SPON1: variants seen among roughly 807,000 people sequenced by gnomAD.
SPON1 encodes the protein spondin 1, also known as spondin-1.
Under a neutral mutation model 111.7 loss-of-function variants are expected in SPON1, and 52 were observed. The observed-to-expected ratio is 0.47, with a 90% CI of 0.37 to 0.59. The LOEUF (loss-of-function observed/expected upper bound fraction) is 0.59. Ranked by LOEUF, SPON1 falls within the 20% of genes least tolerant of loss-of-function variation. The pLI, the probability that SPON1 is intolerant of heterozygous loss-of-function variation, is 0.00. For synonymous variants in SPON1, 410 were observed against 395.8 expected, an observed-to-expected ratio of 1.04 and a Z score of -0.43; for missense variants, 957 against 1,068.5, an observed-to-expected ratio of 0.90 and a Z score of 1.46.
intron 5 of SPON1, among the ~76,000 whole-genome samples, chr11:14,129,789 G>A (rs374931759): frequency 5.9e-5 from 9 of 152,298 alleles, no homozygotes; most frequent in African/African-American, 2.2e-4. Flanking sequence ...TTGACTAACA[G>A]TTCGACATGG....
At chr11:14,168,345 C>T (rs1471412994) in intron 6 of SPON1, among the ~76,000 whole-genome samples, 1 of 152,104 alleles carries the variant, frequency 6.6e-6, no homozygotes, top group East Asian at 1.9e-4. Flanking sequence ...ACTAAAGTCA[C>T]GTGAACAAAA....
intron 1 of SPON1, among the ~76,000 whole-genome samples, chr11:13,980,743 G>C (rs531490949): frequency 6.6e-6 from 1 of 152,246 alleles, no homozygotes; most frequent in South Asian, 2.1e-4. Context: ...ATTTTTTAAA[G>C]TTTAAAAACT....
At position 14,075,349 on chromosome 11, in the gene SPON1, A is replaced by G. The variant is rs1848908880; in HGVS notation, c.484A>G (p.Ser162Gly). 6.4e-7 allele frequency: 1 copy of G among 1,557,634 alleles called. No individual in the cohort carries two copies. Among genetic ancestry groups the G allele is most frequent in the Non-Finnish European group, 8.7e-7 (1 of 1,149,634 alleles). The part of the protein sequence containing the change: ...AGTGCVILKA[S>G]IVQKRIIYFQ... ...TTGGGTCTTCTTTCTTCACAGGGCC[A>G]GCATCGTACAAAAACGCATTATTTA... The change falls in exon 4 of 16, where the codon AGC (serine) becomes GGC (glycine). Residue 162 changes from serine to glycine, a missense_variant. Physicochemically the swap from Ser to Gly is moderately conservative, Grantham distance 56. Transcript: ENST00000576479.
chr11:14,011,737 T>G (rs1388572955), intron 2 of SPON1, among the ~76,000 whole-genome samples: 1 of 151,842 alleles, frequency 6.6e-6, no homozygotes, highest in African/African-American at 2.4e-5. Context: ...TCAGTGAGGA[T>G]CTGATGGACA....
At position 14,259,600 on chromosome 11, in the gene SPON1, G is replaced by A. The variant is rs1849149526; in HGVS notation, c.1730G>A (p.Gly577Asp). 6.4e-7 allele frequency: 1 copy of A among 1,556,396 alleles called. No homozygotes were observed. The highest frequency in any genetic ancestry group is 8.7e-7 in the Non-Finnish European group (1 of 1,149,988). ...GAGTGCAGCGCCACCTGCGGCATGG[G>A]CATGAAGAAGCGGCACCGCATGATC... ...WDECSATCGM[G>D]MKKRHRMIKM... Residue 577 changes from glycine (G) to aspartate (D), a missense_variant, in exon 13 of 16, where the codon GGC (glycine) becomes GAC (aspartate). Coordinates refer to ENST00000576479, the MANE Select transcript of SPON1 (RefSeq NM_006108.4). The surrounding 1 kb of genome is among the most constrained non-coding windows in gnomAD (Gnocchi z 5.0).
At position 14,257,814 on chromosome 11, in the gene SPON1, CT is replaced by C. The variant is rs1849127197; in HGVS notation, c.1409del (p.Leu470ArgfsTer52). 6.2e-7 allele frequency: 1 copy of C among 1,608,870 alleles called. No individual in the cohort carries two copies. The highest frequency in any genetic ancestry group is 1.7e-5 in the Admixed American group (1 of 59,366). On this transcript the variant is annotated frameshift_variant, in exon 11 of 16. Transcript: ENST00000576479. LOFTEE classifies it high-confidence loss of function. The part of the protein sequence containing the change: ...DKGKRMRQRM[L>X]KAQLDLSVPC... The stretch of plus-strand genomic sequence containing the variant: ...AGGCAAGAGGATGCGACAGCGCATG[CT>C]GAAAGCACAGCTGGACCTCAGCGTC...
chr11:14,162,152 T>A (rs1260962277), intron 6 of SPON1, among the ~76,000 whole-genome samples: 3 of 116,676 alleles, frequency 2.6e-5, no homozygotes, highest in Non-Finnish European at 5.0e-5. Flanking sequence ...AGCAAGACTC[T>A]GTCTCAAAAA....
At chr11:14,027,235 GT>G (rs1848525538) in intron 2 of SPON1, among the ~76,000 whole-genome samples, 1 of 152,200 alleles carries the variant, frequency 6.6e-6, no homozygotes, top group African/African-American at 2.4e-5. Context: ...GCTAGGAACA[GT>G]TTTCTTCGAC....
chr11:14,166,968 G>T (rs7479718), intron 6 of SPON1, among the ~76,000 whole-genome samples: 1 of 151,818 alleles, frequency 6.6e-6, no homozygotes, highest in Non-Finnish European at 1.5e-5. Flanking sequence ...AAATATTTTA[G>T]GGCAGCCACA....
intron 6 of SPON1, among the ~76,000 whole-genome samples, chr11:14,185,556 G>T (rs1409524361): frequency 6.6e-6 from 1 of 152,222 alleles, no homozygotes; most frequent in Admixed American, 6.5e-5. Flanking sequence ...ATGGTAAAAT[G>T]GATTATACAT....
intron 7 of SPON1, among the ~76,000 whole-genome samples, chr11:14,248,295 C>CCA (rs1314483886): frequency 6.6e-6 from 1 of 152,108 alleles, no homozygotes; most frequent in Non-Finnish European, 1.5e-5. Context: ...CAAGTACAGA[C>CCA]CACTCTTCTG....
intron 5 of SPON1, among the ~76,000 whole-genome samples, chr11:14,104,544 A>C (rs193114703): frequency 6.6e-6 from 1 of 151,488 alleles, no homozygotes; most frequent in African/African-American, 2.4e-5. Context: ...GTTCTTCCCT[A>C]CTCTGTTACT....
intron 1 of SPON1, among the ~76,000 whole-genome samples, chr11:13,963,541 G>A (rs1037873129): frequency 7.9e-5 from 12 of 152,180 alleles, no homozygotes; most frequent in African/African-American, 2.7e-4. Flanking sequence ...GTCGGGTCCC[G>A]GGCAAGGCAG....
chr11:14,160,407 ATATATATATTTATATATATATATT>A (rs1847897524), intron 6 of SPON1, among the ~76,000 whole-genome samples: 1 of 65,394 alleles, frequency 1.5e-5, no homozygotes, highest in African/African-American at 7.0e-5. Context: ...ATATATTTAT[ATATATATATTTATATATATATATT>A]TATATATATA....
intron 2 of SPON1, among the ~76,000 whole-genome samples, chr11:13,983,407 G>T (rs1181020299): frequency 6.6e-6 from 1 of 152,234 alleles, no homozygotes; most frequent in African/African-American, 2.4e-5. Flanking sequence ...AAGATTAAAA[G>T]AATTAAACAT....
intron 3 of SPON1, among the ~76,000 whole-genome samples, chr11:14,063,562 C>T (rs1430777691): frequency 7.2e-5 from 11 of 152,196 alleles, no homozygotes; most frequent in African/African-American, 2.7e-4. Flanking sequence ...TGCCCCAGAA[C>T]TCTGTGAGGG....
chr11:14,091,611 G>T (rs985297089), intron 5 of SPON1, among the ~76,000 whole-genome samples: 1 of 152,314 alleles, frequency 6.6e-6, no homozygotes, highest in East Asian at 1.9e-4. Context: ...AGGGCTGGCC[G>T]CCTGCTCCGA....
At chr11:14,138,064 T>A (rs1554928336) in intron 6 of SPON1, among the ~76,000 whole-genome samples, 3 of 152,248 alleles carry the variant, frequency 2.0e-5, no homozygotes, top group Non-Finnish European at 4.4e-5. Context: ...AGAAACTTGT[T>A]TGAAAACATC....
chr11:14,171,382 T>C (rs1848098012), intron 6 of SPON1, among the ~76,000 whole-genome samples: 2 of 152,230 alleles, frequency 1.3e-5, no homozygotes. Context: ...GATTGTTCTC[T>C]CTTTTCTTTA....
Sources: allele counts gnomAD v4.1 joint callset (sites outside exome capture counted in the v4.1 genomes callset), GRCh38; gene constraint gnomAD v4.1.1; non-coding constraint Gnocchi (gnomAD v3.1); transcripts MANE v1.5; gene names NCBI Gene and HGNC (gene_info 2026-07-23, HGNC 2026-07-21).